LDHAL6A: variants seen among roughly 807,000 people sequenced by gnomAD.
LDHAL6A encodes lactate dehydrogenase A like 6A.
In LDHAL6A, 19 loss-of-function variants were observed where a neutral mutation model predicts 28.2. That is an observed-to-expected ratio of 0.67 (90% CI 0.47 to 0.99). The LOEUF (loss-of-function observed/expected upper bound fraction) is 0.99, where lower values mean the gene tolerates loss of function less well. Ranked by LOEUF, LDHAL6A falls within the 50% of genes least tolerant of loss-of-function variation. The pLI is 0.00. For missense variants in LDHAL6A, 372 were observed against 398.6 expected, an observed-to-expected ratio of 0.93 and a Z score of 0.57; for synonymous variants, 144 against 134.4, an observed-to-expected ratio of 1.07 and a Z score of -0.49.
At chr11:18,473,372 T>C (rs1042334567) in intron 3 of LDHAL6A, among the ~76,000 whole-genome samples, 6 of 151,126 alleles carry the variant, frequency 4.0e-5, no homozygotes, top group African/African-American at 4.9e-5. Context: ...AACTAATTGA[T>C]AGATGAAGGT....
chr11:18,469,392 A>G (rs1159988534), intron 3 of LDHAL6A, among the ~76,000 whole-genome samples: 2 of 152,246 alleles, frequency 1.3e-5, no homozygotes, highest in Non-Finnish European at 2.9e-5. Flanking sequence ...CTGGCCCACC[A>G]CACTCCCACC....
intron 3 of LDHAL6A, among the ~76,000 whole-genome samples, chr11:18,472,269 G>A (rs1849273307): frequency 6.6e-6 from 1 of 152,082 alleles, no homozygotes; most frequent in South Asian, 2.1e-4. Flanking sequence ...TTATGTATGA[G>A]GAAACTTAAA....
At chr11:18,456,916 G>T (rs894845151) in intron 1 of LDHAL6A, 110 bp downstream of exon 1, 2 of 1,161,440 alleles carry the variant, frequency 1.7e-6, no homozygotes, top group South Asian at 3.5e-5. Context: ...GAGCCAGTGT[G>T]AGGGGCATCA....
At chr11:18,474,708 T>A (rs1054609814) in intron 3 of LDHAL6A, among the ~76,000 whole-genome samples, 2 of 152,064 alleles carry the variant, frequency 1.3e-5, no homozygotes, top group African/African-American at 4.8e-5. Flanking sequence ...TTTAAAAAAA[T>A]ATATTTTTTA....
Position 18,464,079 on chromosome 11 carries a change from GT to G in LDHAL6A, c.244+3del. The G allele has an allele frequency of 6.5e-7, 1 of 1,542,152 alleles. No homozygotes were observed. Among genetic ancestry groups the G allele is most frequent in the Non-Finnish European group, 9.0e-7 (1 of 1,114,488 alleles). ...ATGCCAAATATTGTCTCCAGCAAAG[GT>G]TAATGTCATAGTTAAATACTATAAA... On this transcript the variant is annotated splice_donor_variant, in intron 2 of 6. Coordinates refer to ENST00000280706, the MANE Select transcript of LDHAL6A (RefSeq NM_144972.5). LOFTEE classifies it high-confidence loss of function.
intron 3 of LDHAL6A, chr11:18,475,256 C>T: frequency 2.3e-6 from 1 of 440,074 alleles, no homozygotes; most frequent in Non-Finnish European, 4.0e-6. Flanking sequence ...TTCTGCATAC[C>T]AAGCTGTGCA....
At position 18,468,000 on chromosome 11, in the gene LDHAL6A, T is replaced by C. The variant is rs1223766666; in HGVS notation, c.418+2190T>C. ...ATATACGTATATATATGCATATATA[T>C]ACGTATATATATACATATATATACG... On this transcript the variant is annotated intron_variant, in intron 3 of 6. Coordinates refer to ENST00000280706, the MANE Select transcript of LDHAL6A (RefSeq NM_144972.5). Among the ~76,000 whole-genome samples, 13 of 55,614 alleles carry C rather than the reference T, an allele frequency of 2.3e-4. 1 individual carries two copies. Among genetic ancestry groups the C allele is most frequent in the African/African-American group, 8.2e-4 (13 of 15,766 alleles). The allele number at this position is 55,614 out of a possible 152,430, so 36.5% of individuals were successfully genotyped here.
intron 3 of LDHAL6A, among the ~76,000 whole-genome samples, chr11:18,474,552 A>C (rs1849325825): frequency 6.6e-6 from 1 of 151,892 alleles, no homozygotes; most frequent in Non-Finnish European, 1.5e-5. Flanking sequence ...ATGCCTGGCT[A>C]ATTTTTTTAT....
intron 3 of LDHAL6A, among the ~76,000 whole-genome samples, chr11:18,467,813 G>A (rs113636184): frequency 0.16 from 21,859 of 139,978 alleles, 2,312 homozygotes; most frequent in East Asian, 0.42. Flanking sequence ...AGCTGAGATC[G>A]CACCACTGCA....
rs200655858 is a variant in LDHAL6A at position 18,465,726 on chromosome 11, C to T, written c.334C>T (p.Arg112Ter). Reference sequence around the variant, plus strand: ...AGAAACACGCCTTGATTTAGTCCAGCGAAATGTATCCATCTTTAAATTAAT... The same window carrying T: ...AGAAACACGCCTTGATTTAGTCCAGTGAAATGTATCCATCTTTAAATTAAT... ...KGETRLDLVQ[R>*]NVSIFKLMIP... The change falls in exon 3 of 7, where the codon CGA (arginine) becomes TGA (stop). Residue 112 changes from arginine (R) to a stop codon, truncating the protein, a stop_gained. Transcript: ENST00000280706. LOFTEE classifies it high-confidence loss of function. 2.5e-5 allele frequency: 41 copies of T among 1,613,306 alleles called. No individual in the cohort carries two copies. Among genetic ancestry groups the T allele is most frequent in the South Asian group, 6.6e-5 (6 of 91,070 alleles).
chr11:18,462,981 AT>A (rs1285311598), intron 1 of LDHAL6A, among the ~76,000 whole-genome samples: 3 of 150,448 alleles, frequency 2.0e-5, no homozygotes, highest in African/African-American at 7.3e-5. Flanking sequence ...ATAGAAGTAT[AT>A]TTTCTCTCCT....
chr11:18,457,696 A>C (rs1278442413), intron 1 of LDHAL6A, among the ~76,000 whole-genome samples: 1 of 152,132 alleles, frequency 6.6e-6, no homozygotes, highest in Non-Finnish European at 1.5e-5. Context: ...CGTGAAAACC[A>C]ACACATCTGT....
rs1226161831 is a variant in LDHAL6A at position 18,476,505 on chromosome 11, A to G, written c.710+4A>G. On this transcript the variant is annotated splice_donor_region_variant and intron_variant, in intron 5 of 6. Coordinates refer to ENST00000280706, the MANE Select transcript of LDHAL6A (RefSeq NM_144972.5). ...TCCACAAAAAAGTGATTTCCAGGTA[A>G]TATGCTAGTTTCACATTTTCAGTAC... The G allele has an allele frequency of 6.2e-7, 1 of 1,613,280 alleles. No homozygotes were observed. The highest frequency in any genetic ancestry group is 1.1e-5 in the South Asian group (1 of 90,932).
intron 1 of LDHAL6A, among the ~76,000 whole-genome samples, chr11:18,459,073 G>A (rs1274148882): frequency 1.3e-5 from 2 of 152,152 alleles, no homozygotes; most frequent in African/African-American, 2.4e-5. Flanking sequence ...AGTATGGTGT[G>A]GTGGTTAATA....
At chr11:18,467,946 T>TATATATATATACACACAC (rs1565071203) in intron 3 of LDHAL6A, among the ~76,000 whole-genome samples, 3 of 35,616 alleles carry the variant, frequency 8.4e-5, no homozygotes, top group African/African-American at 3.3e-4. Context: ...TACACACACA[T>TATATATATATACACACAC]ATATATATAC....
At chr11:18,462,252 T>G (rs924162615) in intron 1 of LDHAL6A, among the ~76,000 whole-genome samples, 78 of 152,000 alleles carry the variant, frequency 5.1e-4, no homozygotes, top group African/African-American at 1.6e-3. Flanking sequence ...TGTAATCCCA[T>G]CACTTTGAGA....
rs760606849 is a variant in LDHAL6A, at chr11:18,465,652, C to A, written c.260C>A (p.Ala87Glu). ...CTTTCCTCAGATTACCTGGTCACTG[C>A]AAACTCCAATCTAGTGATTATCACA... ...IVSSKDYLVT[A>E]NSNLVIITAG... Residue 87 changes from alanine to glutamate, a missense_variant, in exon 3 of 7, where the codon GCA becomes GAA. Around this residue, in one of 3 missense-constraint regions of LDHAL6A, gnomAD observed 291 missense variants for 302.9 expected, o/e 0.96. Coordinates refer to ENST00000280706, the MANE Select transcript of LDHAL6A (RefSeq NM_144972.5). 1 of 1,613,116 alleles carries A rather than the reference C, an allele frequency of 6.2e-7. No homozygotes were observed.
intron 6 of LDHAL6A, 135 bp downstream of exon 6, chr11:18,477,878 A>G: frequency 1.4e-6 from 1 of 724,426 alleles, no homozygotes; most frequent in Non-Finnish European, 2.2e-6. Context: ...TTTGCTGCTG[A>G]AGAGTGGGGA....
At chr11:18,478,376 T>C (rs1219716980) in intron 6 of LDHAL6A, among the ~76,000 whole-genome samples, 1 of 152,060 alleles carries the variant, frequency 6.6e-6, no homozygotes, top group East Asian at 1.9e-4. Flanking sequence ...AACTGAACAA[T>C]AAATATGTCT....
Sources: gnomAD v4.1 joint callset for allele counts (sites outside exome capture counted in the v4.1 genomes callset) on GRCh38, gnomAD v4.1.1 for gene constraint, gnomAD v4.1.1 regional missense constraint, MANE v1.5 for transcripts, NCBI Gene and HGNC (gene_info 2026-07-23, HGNC 2026-07-21) for gene names.